TTC7A: variants seen among roughly 807,000 people sequenced by gnomAD.
The protein encoded by TTC7A is tetratricopeptide repeat protein 7A.
A neutral mutation model predicts 103.7 loss-of-function variants in TTC7A; 110 were observed. The observed-to-expected ratio is 1.06, with a 90% CI of 0.91 to 1.24. The LOEUF is 1.24. Ranked by LOEUF, TTC7A falls within the 50% of genes most tolerant of loss-of-function variation. The pLI, the probability that TTC7A is intolerant of heterozygous loss-of-function variation, is 0.00. For missense variants in TTC7A, 1,340 were observed against 1,116.3 expected (o/e 1.20, Z -2.86); for synonymous variants, 521 against 467.9 (o/e 1.11, Z -1.47).
chr2:46,957,094 A>G (rs1671939765), intron 3 of TTC7A, 87 bp downstream of exon 3: 1 of 1,547,196 alleles, frequency 6.5e-7, no homozygotes, highest in African/African-American at 1.4e-5. Context: ...GCTCGTGTCC[A>G]GATTCTTCAC....
intron 2 of TTC7A, among the ~76,000 whole-genome samples, chr2:46,918,193 T>A (rs181927335): frequency 6.1e-4 from 93 of 152,314 alleles, no homozygotes; most frequent in Admixed American, 2.4e-3. Flanking sequence ...CCTGCACCTC[T>A]CTCAGTCTTG....
In TTC7A at chr2:46,941,553, G is replaced by A. The variant is rs1274237789; in HGVS notation, c.12G>A (p.Lys4=). 11 of 1,554,684 alleles carry A rather than the reference G, an allele frequency of 7.1e-6. No individual in the cohort carries two copies. Among genetic ancestry groups the A allele is most frequent in the East Asian group, 2.4e-5 (1 of 41,330 alleles). The change falls in exon 1 of 20, where the codon AAG becomes AAA. Residue 4 remains lysine (K), a synonymous_variant. Transcript: ENST00000319190. The surrounding 1 kb of genome is among the most constrained non-coding windows in gnomAD (Gnocchi z 4.2). The part of the protein sequence containing the change: MAA[K]GAHGSYLKVE... ...GCGCCCGCGAGAAGATGGCTGCGAAGGGCGCGCACGGCTCCTACCTGAAGG... is the reference window on the plus strand; with the variant it reads ...GCGCCCGCGAGAAGATGGCTGCGAAAGGCGCGCACGGCTCCTACCTGAAGG...
exon 1 of TTC7A, chr2:46,916,468 A>C (rs1185349255): frequency 1.3e-5 from 2 of 152,412 alleles, no homozygotes; most frequent in African/African-American, 4.8e-5. Flanking sequence ...CAGATTACTT[A>C]AAAACAGACT....
Position 47,051,758 on chromosome 2 carries a change from C to T in TTC7A, c.2030C>T (p.Ala677Val), listed in dbSNP as rs1444780538. Reference sequence around the variant, plus strand: ...TCTTGCTCTGCAGGCTCCCGGCGGGCTTCGTCCATCGCCGCCTCCCGGCTG... The same window carrying T: ...TCTTGCTCTGCAGGCTCCCGGCGGGTTTCGTCCATCGCCGCCTCCCGGCTG... ...AHDADSGSRR[A>V]SSIAASRLEE... Residue 677 changes from alanine (A) to valine (V), a missense_variant, in exon 18 of 20, where the codon GCT becomes GTT. Ala to Val is a moderately conservative substitution (Grantham distance 64, BLOSUM62 0). Transcript: ENST00000319190. The T allele has an allele frequency of 1.2e-6, 2 of 1,609,914 alleles. No individual in the cohort carries two copies. The highest frequency in any genetic ancestry group is 1.7e-6 in the Non-Finnish European group (2 of 1,179,080).
intron 2 of TTC7A, 137 bp downstream of exon 2, chr2:46,950,663 A>G: frequency 1.1e-6 from 1 of 883,708 alleles, no homozygotes; most frequent in Non-Finnish European, 1.7e-6. Context: ...TACAGTAGCC[A>G]CTGGCTGCAC....
intron 15 of TTC7A, among the ~76,000 whole-genome samples, chr2:47,042,953 C>A (rs922278045): frequency 6.6e-6 from 1 of 152,210 alleles, no homozygotes; most frequent in Non-Finnish European, 1.5e-5. Context: ...GCAGCCTCCC[C>A]CCAGCTTCCC....
upstream of TTC7A, among the ~76,000 whole-genome samples, chr2:46,940,861 T>G (rs1670271276): frequency 6.6e-6 from 1 of 151,938 alleles, no homozygotes; most frequent in Non-Finnish European, 1.5e-5. This position sits in a 1 kb window ranked among gnomAD's most constrained non-coding sequence, Gnocchi z 4.7. Context: ...GGCCGGCCTC[T>G]CCCCATTTTT....
At chr2:46,954,675 G>A (rs754331872) in intron 2 of TTC7A, among the ~76,000 whole-genome samples, 1 of 149,188 alleles carries the variant, frequency 6.7e-6, no homozygotes, top group African/African-American at 2.5e-5. Context: ...GGGTTCAAGC[G>A]ATTCTTCTGC....
intron 3 of TTC7A, among the ~76,000 whole-genome samples, chr2:46,957,524 G>C (rs1327319790): frequency 6.6e-6 from 1 of 152,196 alleles, no homozygotes; most frequent in Non-Finnish European, 1.5e-5. Context: ...GGGAGCAGGG[G>C]CTGAGACCCA....
chr2:47,057,513 GGGACAA>G, intron 18 of TTC7A, among the ~76,000 whole-genome samples: 1 of 152,308 alleles, frequency 6.6e-6, no homozygotes, highest in Non-Finnish European at 1.5e-5. Context: ...CCCCAAGGGA[GGGACAA>G]GGGGCAGCCT....
intron 19 of TTC7A, among the ~76,000 whole-genome samples, chr2:47,064,513 T>C (rs561177346): frequency 6.6e-6 from 1 of 152,308 alleles, no homozygotes; most frequent in South Asian, 2.1e-4. Flanking sequence ...GAGTCGCTGG[T>C]TGACACTGCT....
rs568857926 is a variant in TTC7A at position 46,960,142 on chromosome 2, T to C, written c.517+3135T>C. On this transcript the variant is annotated intron_variant, in intron 3 of 19. Transcript: ENST00000319190. ...GAGACTGGATTTTAGGGCCTCTTGG[T>C]AGCACCTGGGAGGTGGGCTGGGCCC... Among the ~76,000 whole-genome samples the C allele has an allele frequency of 1.2e-3, 175 of 152,148 alleles. 1 individual carries two copies. The highest frequency in any genetic ancestry group is 2.2e-3 in the Non-Finnish European group (147 of 68,014).
chr2:47,003,698 C>T (rs565183068), intron 8 of TTC7A, among the ~76,000 whole-genome samples: 1 of 152,332 alleles, frequency 6.6e-6, no homozygotes, highest in East Asian at 1.9e-4. Flanking sequence ...CTTGCTTCCA[C>T]CAGAATTCCA....
chr2:46,942,193 G>A (rs1009446527), intron 1 of TTC7A, among the ~76,000 whole-genome samples: 2 of 152,212 alleles, frequency 1.3e-5, no homozygotes, highest in Non-Finnish European at 2.9e-5. Flanking sequence ...TGGGGTGGTG[G>A]AGAAATGGGG....
intron 2 of TTC7A, among the ~76,000 whole-genome samples, chr2:46,925,802 T>TA (rs1395624754): frequency 6.6e-6 from 1 of 152,188 alleles, no homozygotes; most frequent in African/African-American, 2.4e-5. Context: ...CAATGGAAGA[T>TA]AAAAATAAAG....
intron 15 of TTC7A, among the ~76,000 whole-genome samples, chr2:47,042,439 C>G (rs2104677066): frequency 6.6e-6 from 1 of 152,196 alleles, no homozygotes; most frequent in African/African-American, 2.4e-5. Context: ...GAGATCGAGG[C>G]TGCAATGAGC....
At chr2:47,013,542 C>A (rs1318973174) in intron 11 of TTC7A, among the ~76,000 whole-genome samples, 1 of 152,182 alleles carries the variant, frequency 6.6e-6, no homozygotes, top group Non-Finnish European at 1.5e-5. Flanking sequence ...GGCATCTGTG[C>A]CCCTCAAGGC....
At chr2:46,958,628 A>G (rs965199557) in intron 3 of TTC7A, 13 of 1,083,990 alleles carry the variant, frequency 1.2e-5, no homozygotes, top group South Asian at 1.4e-5. Flanking sequence ...GTGACTGCAC[A>G]TGGCCTCCCC....
At position 47,023,474 on chromosome 2, in the gene TTC7A, G is replaced by A. The variant is rs938180083; in HGVS notation, c.1568+9G>A. ...CTGCAGACGCTGGAGAGGTGAGGAG[G>A]CTCCCACCTGCAGCAGAGGCCCCTC... On this transcript the variant is annotated intron_variant, in intron 13 of 19. Coordinates refer to ENST00000319190, the MANE Select transcript of TTC7A (RefSeq NM_020458.4). 5 of 1,613,908 alleles carry A rather than the reference G, an allele frequency of 3.1e-6. No homozygotes were observed. Among genetic ancestry groups the A allele is most frequent in the East Asian group, 4.5e-5 (2 of 44,882 alleles).
Sources: allele counts gnomAD v4.1 joint callset (sites outside exome capture counted in the v4.1 genomes callset), GRCh38; gene constraint gnomAD v4.1.1; non-coding constraint Gnocchi (gnomAD v3.1); transcripts MANE v1.5; gene names NCBI Gene and HGNC (gene_info 2026-07-23, HGNC 2026-07-21).